TTC6: variants seen among roughly 807,000 people sequenced by gnomAD.
TTC6 encodes tetratricopeptide repeat domain 6, also known as tetratricopeptide repeat protein 6.
Under a neutral mutation model 210.4 loss-of-function variants are expected in TTC6, and 172 were observed. The observed-to-expected ratio is 0.82, with a 90% CI of 0.72 to 0.93. The LOEUF is 0.93. TTC6 is among the 40% of genes least tolerant of loss of function. TTC6 has a pLI of 0.00. For missense variants in TTC6, 2,414 were observed against 2,318.1 expected (o/e 1.04, Z -0.85); for synonymous variants, 804 against 819.6 (o/e 0.98, Z 0.32).
exon 20 of TTC6, chr14:37,796,844 A>C (rs1276677357): frequency 6.2e-7 from 1 of 1,610,048 alleles, no homozygotes; most frequent in Admixed American, 1.7e-5. Flanking sequence ...TGTGAAAACC[A>C]TGACAAGGCC....
chr14:37,788,094 G>A (rs1176892645), intron 15 of TTC6, among the ~76,000 whole-genome samples: 3 of 152,068 alleles, frequency 2.0e-5, no homozygotes, highest in African/African-American at 7.2e-5. Context: ...CAAGGGATTT[G>A]TCAAATTCAG....
At chr14:37,807,588 A>G in intron 23 of TTC6, 128 bp downstream of exon 25, 4 of 670,714 alleles carry the variant, frequency 6.0e-6, no homozygotes, top group Non-Finnish European at 8.6e-6. Context: ...GCAGAACTAC[A>G]TAGAAAACTT....
intron 29 of TTC6, chr14:37,837,363 AT>A (rs1454932188): frequency 8.8e-6 from 4 of 454,382 alleles, no homozygotes; most frequent in South Asian, 6.2e-5. Flanking sequence ...CCCTTGACTC[AT>A]TTCTGAGAAC....
chr14:37,770,032 C>A (rs2096012817), intron 14 of TTC6, among the ~76,000 whole-genome samples: 1 of 152,158 alleles, frequency 6.6e-6, no homozygotes, highest in South Asian at 2.1e-4. Flanking sequence ...CAAAGAACAT[C>A]TTTATTTCTG....
intron 1 of TTC6, among the ~76,000 whole-genome samples, chr14:37,631,118 T>G (rs57241535): frequency 6.6e-6 from 1 of 151,786 alleles, no homozygotes; most frequent in Admixed American, 6.6e-5. Flanking sequence ...ACATTTAAGG[T>G]TAATATTGTT....
chr14:37,653,825 T>C (rs2095717202), intron 1 of TTC6, among the ~76,000 whole-genome samples: 1 of 152,230 alleles, frequency 6.6e-6, no homozygotes, highest in African/African-American at 2.4e-5. Flanking sequence ...TTCATATTTG[T>C]TGTTGTTTTT....
chr14:37,792,523 A>G, intron 17 of TTC6, 109 bp downstream of exon 19: 3 of 845,014 alleles, frequency 3.6e-6, no homozygotes, highest in Non-Finnish European at 4.9e-6. Flanking sequence ...TGTAGGGGCT[A>G]ATGCATTTAT....
At chr14:37,671,670 A>G (rs535716027) in intron 1 of TTC6, among the ~76,000 whole-genome samples, 18 of 152,200 alleles carry the variant, frequency 1.2e-4, no homozygotes, top group African/African-American at 4.1e-4. Flanking sequence ...GACATAGCAA[A>G]TATGTTTCCA....
chr14:37,649,657 T>C (rs1317107718), intron 1 of TTC6, among the ~76,000 whole-genome samples: 1 of 152,220 alleles, frequency 6.6e-6, no homozygotes, highest in East Asian at 1.9e-4. Flanking sequence ...CCTGAGGCCA[T>C]GGGCCCTCAG....
intron 7 of TTC6, among the ~76,000 whole-genome samples, chr14:37,727,291 ATTTTTTTTT>A (rs368293440): frequency 3.3e-5 from 3 of 92,246 alleles, no homozygotes; most frequent in African/African-American, 3.7e-5. Flanking sequence ...TATTTTTCTA[ATTTTTTTTT>A]TTTTTTTTTT....
chr14:37,831,610 T>A (rs2096185401), intron 29 of TTC6, among the ~76,000 whole-genome samples: 1 of 52,506 alleles, frequency 1.9e-5, no homozygotes, highest in Non-Finnish European at 7.6e-5. Flanking sequence ...TTGTTTGCAA[T>A]AGCCATTTTT....
intron 29 of TTC6, among the ~76,000 whole-genome samples, chr14:37,832,798 G>A (rs1440814439): frequency 6.6e-6 from 1 of 152,082 alleles, no homozygotes; most frequent in African/African-American, 2.4e-5. Context: ...GGTGGCTTAT[G>A]CCTATAATCC....
At chr14:37,788,578 T>A (rs2096072884) in intron 15 of TTC6, among the ~76,000 whole-genome samples, 1 of 152,186 alleles carries the variant, frequency 6.6e-6, no homozygotes, top group African/African-American at 2.4e-5. Context: ...CAGTGATTCT[T>A]GGGAAAGGGG....
chr14:37,821,670 C>T (rs4611368), intron 26 of TTC6, among the ~76,000 whole-genome samples: 137,705 of 152,052 alleles, frequency 0.91, 62,584 homozygotes, highest in Non-Finnish European at 0.95. Context: ...AAAAAAATAC[C>T]GTATCACATT....
chr14:37,694,957 G>C (rs1056179722), intron 3 of TTC6, among the ~76,000 whole-genome samples: 6 of 148,020 alleles, frequency 4.1e-5, no homozygotes, highest in African/African-American at 1.0e-4. Flanking sequence ...AAGAGGATCA[G>C]TGGAGCCCAA....
chr14:37,715,191 C>T (rs1281988252), intron 6 of TTC6, among the ~76,000 whole-genome samples: 1 of 151,886 alleles, frequency 6.6e-6, no homozygotes, highest in Non-Finnish European at 1.5e-5. Flanking sequence ...TATTGAAGAC[C>T]TCAATAATTT....
intron 14 of TTC6, among the ~76,000 whole-genome samples, chr14:37,774,484 T>C (rs1252558091): frequency 6.6e-6 from 1 of 152,228 alleles, no homozygotes; most frequent in Non-Finnish European, 1.5e-5. Flanking sequence ...TCTGCGTCTA[T>C]TGAGTTAATC....
chr14:37,622,845 G>A (rs1278208999), exon 1 of TTC6: 2 of 1,534,264 alleles, frequency 1.3e-6, no homozygotes, highest in Non-Finnish European at 1.7e-6. Context: ...CGACGCGCGG[G>A]AGGCCGCCTG....
intron 29 of TTC6, among the ~76,000 whole-genome samples, chr14:37,830,619 T>C (rs1470465806): frequency 6.6e-6 from 1 of 151,924 alleles, no homozygotes; most frequent in African/African-American, 2.4e-5. Context: ...ATTTCCTTTT[T>C]ATTTTATTTT....
Sources: gnomAD v4.1 joint callset for allele counts (sites outside exome capture counted in the v4.1 genomes callset) on GRCh38, gnomAD v4.1.1 for gene constraint, MANE v1.5 for transcripts, NCBI Gene and HGNC (gene_info 2026-07-23, HGNC 2026-07-21) for gene names.